The following NIM1K variants were observed in gnomAD, a reference collection of about 807,000 sequenced individuals.
NIM1K encodes the protein NIM1 serine/threonine protein kinase.
Under a neutral mutation model 37.1 loss-of-function variants are expected in NIM1K, and 35 were observed. That is an observed-to-expected ratio of 0.94 (90% CI 0.72 to 1.25). NIM1K has a LOEUF of 1.25. NIM1K is among the 50% of genes most tolerant of loss of function. The pLI is 0.00. For missense variants in NIM1K, 564 were observed against 548.0 expected (o/e 1.03, Z -0.29); for synonymous variants, 234 against 206.6 (o/e 1.13, Z -1.14).
At chr5:43,233,302 G>T (rs1752568777) in intron 1 of NIM1K, 5 of 390,768 alleles carry the variant, frequency 1.3e-5, no homozygotes, top group Non-Finnish European at 1.3e-5. Context: ...TCTAAGGCAA[G>T]AGTGACACTT....
At chr5:43,201,950 T>G (rs1037565804) in intron 1 of NIM1K, among the ~76,000 whole-genome samples, 1 of 141,180 alleles carries the variant, frequency 7.1e-6, no homozygotes, top group Admixed American at 7.5e-5. Context: ...AGAGCGAGAC[T>G]CCCTCTGAGC....
intron 1 of NIM1K, among the ~76,000 whole-genome samples, chr5:43,240,961 T>C (rs1202649325): frequency 6.6e-6 from 1 of 151,976 alleles, no homozygotes; most frequent in Non-Finnish European, 1.5e-5. Context: ...TCTTTGCACA[T>C]GTGTGCAAAG....
At chr5:43,260,642 C>A (rs191969716) in intron 2 of NIM1K, among the ~76,000 whole-genome samples, 1 of 152,014 alleles carries the variant, frequency 6.6e-6, no homozygotes, top group East Asian at 1.9e-4. Context: ...TTAAGTTCTG[C>A]AGTACATGTG....
intron 1 of NIM1K, chr5:43,193,395 T>G (rs1751862415): frequency 1.4e-5 from 2 of 141,078 alleles, no homozygotes; most frequent in South Asian, 2.6e-4. Context: ...TCTTTTCCCC[T>G]TCCCTCCCCT....
intron 1 of NIM1K, among the ~76,000 whole-genome samples, chr5:43,231,025 A>G (rs1047242718): frequency 1.3e-5 from 2 of 152,204 alleles, no homozygotes; most frequent in African/African-American, 2.4e-5. Context: ...CAAAAAATAT[A>G]TTATTTTCTT....
At chr5:43,269,462 G>A (rs1753222076) in intron 2 of NIM1K, among the ~76,000 whole-genome samples, 2 of 151,976 alleles carry the variant, frequency 1.3e-5, no homozygotes, top group Non-Finnish European at 2.9e-5. Flanking sequence ...TTTGGTTTGT[G>A]ATATTTTATC....
intron 1 of NIM1K, among the ~76,000 whole-genome samples, chr5:43,195,101 CTG>C (rs1751893664): frequency 6.6e-6 from 1 of 152,124 alleles, no homozygotes; most frequent in African/African-American, 2.4e-5. Context: ...AAAGGACAAA[CTG>C]TTCATAAAAT....
rs1561074928 is a variant in NIM1K at position 43,213,224 on chromosome 5, TCC to T, written c.-695+20814_-695+20815del. ...TTCTTTCTTTCTTTCTTTCTTTCTT[TCC>T]TTCTTTTCTTCCTTTCTTTCTTTCT... On this transcript the variant is annotated intron_variant, in intron 1 of 3. Coordinates refer to ENST00000326035, the MANE Select transcript of NIM1K (RefSeq NM_153361.4). Among the ~76,000 whole-genome samples, 269 of 145,240 alleles carry T rather than the reference TCC, an allele frequency of 1.9e-3. 25 individuals carry two copies. The highest frequency in any genetic ancestry group is 5.9e-3 in the African/African-American group (228 of 38,972).
intron 1 of NIM1K, among the ~76,000 whole-genome samples, chr5:43,230,183 T>C (rs959528822): frequency 4.0e-5 from 6 of 151,874 alleles, no homozygotes; most frequent in Non-Finnish European, 7.4e-5. Context: ...ATCTTATATC[T>C]CTCACATCAT....
intron 1 of NIM1K, among the ~76,000 whole-genome samples, chr5:43,199,851 C>T (rs1444457137): frequency 6.6e-6 from 1 of 152,098 alleles, no homozygotes; most frequent in African/African-American, 2.4e-5. Flanking sequence ...AGTGCAACCC[C>T]GGTTTACACC....
At chr5:43,210,960 C>T (rs186771727) in intron 1 of NIM1K, among the ~76,000 whole-genome samples, 8 of 152,084 alleles carry the variant, frequency 5.3e-5, no homozygotes, top group African/African-American at 1.7e-4. Flanking sequence ...CACTTGAGGT[C>T]GGGAGTTGGA....
At chr5:43,223,113 G>A (rs188833289) in intron 1 of NIM1K, among the ~76,000 whole-genome samples, 70 of 140,962 alleles carry the variant, frequency 5.0e-4, no homozygotes, top group African/African-American at 1.6e-3. Flanking sequence ...CACTCCAGCC[G>A]TGGCAACAGA....
Position 43,277,275 on chromosome 5 carries a change from C to G in NIM1K, c.511C>G (p.Pro171Ala), listed in dbSNP as rs942613851. The G allele has an allele frequency of 6.2e-7, 1 of 1,614,066 alleles. No homozygotes were observed. ...TAGCACTGAGGGGAAGCTCTCTGAA[C>G]CAGAAAGCAAGCTCATCTTCTCCCA... ...KISTEGKLSE[P>A]ESKLIFSQIV... The change falls in exon 3 of 4, where the codon CCA (proline) becomes GCA (alanine). Residue 171 changes from proline to alanine, a missense_variant. Physicochemically the swap from Pro to Ala is conservative, Grantham distance 27 (BLOSUM62 -1). Transcript: ENST00000326035.
At chr5:43,201,831 C>G (rs545404096) in intron 1 of NIM1K, among the ~76,000 whole-genome samples, 1 of 152,006 alleles carries the variant, frequency 6.6e-6, no homozygotes, top group Non-Finnish European at 1.5e-5. Flanking sequence ...TGGTGGCACG[C>G]ACCTGTAGTC....
At chr5:43,241,839 G>A (rs575799916) in intron 1 of NIM1K, among the ~76,000 whole-genome samples, 3 of 151,760 alleles carry the variant, frequency 2.0e-5, no homozygotes, top group Admixed American at 6.6e-5. Context: ...AATGGCTTTC[G>A]CTGAGATCAT....
chr5:43,199,189 C>CAAAAAAA (rs1368419224), intron 1 of NIM1K, among the ~76,000 whole-genome samples: 2 of 9,822 alleles, frequency 2.0e-4, no homozygotes, highest in East Asian at 6.0e-3. Flanking sequence ...GCTCTGTCTC[C>CAAAAAAA]AAAAAAAAAA....
chr5:43,269,864 C>T (rs938869603), intron 2 of NIM1K, among the ~76,000 whole-genome samples: 1 of 152,102 alleles, frequency 6.6e-6, no homozygotes, highest in South Asian at 2.1e-4. Context: ...GTGATCCACC[C>T]CCCTTGGCCT....
At chr5:43,219,158 GAACCA>G (rs1561077047) in intron 1 of NIM1K, among the ~76,000 whole-genome samples, 2 of 152,044 alleles carry the variant, frequency 1.3e-5, no homozygotes, top group African/African-American at 4.8e-5. Context: ...CAGCCCTGTG[GAACCA>G]TGAATTATTA....
chr5:43,230,477 T>C (rs1374130002), intron 1 of NIM1K, among the ~76,000 whole-genome samples: 1 of 152,052 alleles, frequency 6.6e-6, no homozygotes, highest in Non-Finnish European at 1.5e-5. Context: ...CAAACTAAAC[T>C]ATAGCCAAAA....
Sources: allele counts gnomAD v4.1 joint callset (sites outside exome capture counted in the v4.1 genomes callset), GRCh38; gene constraint gnomAD v4.1.1; transcripts MANE v1.5; gene names NCBI Gene and HGNC (gene_info 2026-07-23, HGNC 2026-07-21).